LRP5: variants seen among roughly 807,000 people sequenced by gnomAD.
LRP5 encodes LDL receptor related protein 5.
Under a neutral mutation model 154.1 loss-of-function variants are expected in LRP5, and 62 were observed. The ratio of observed to expected loss-of-function variants is 0.40; its 90% CI spans 0.33 to 0.50. The LOEUF is 0.50. Ranked by LOEUF, LRP5 falls within the 20% of genes least tolerant of loss-of-function variation. The pLI, the probability that LRP5 is intolerant of heterozygous loss-of-function variation, is 0.55. For missense variants in LRP5, 1,915 were observed against 2,336.7 expected (o/e 0.82, Z 3.72); for synonymous variants, 966 against 1,011.5 (o/e 0.96, Z 0.85).
At chr11:68,299,404 G>A in the LRP5 span, among the ~76,000 whole-genome samples, 9 of 152,234 alleles carry the variant, frequency 5.9e-5, no homozygotes, top group Admixed American at 2.6e-4. Context: ...CAGATGCAGC[G>A]GGGAATGGCC....
chr11:68,299,831 C>A, the LRP5 span, among the ~76,000 whole-genome samples: 1 of 149,254 alleles, frequency 6.7e-6, no homozygotes, highest in Non-Finnish European at 1.5e-5. Flanking sequence ...GATCCGCCCG[C>A]CTCAGCCTCC....
chr11:68,405,678 T>C (rs1190198163), intron 8 of LRP5, among the ~76,000 whole-genome samples: 1 of 152,246 alleles, frequency 6.6e-6, no homozygotes, highest in Non-Finnish European at 1.5e-5. Context: ...AAGGATTCTT[T>C]TTTTGGCTGA....
intron 5 of LRP5, among the ~76,000 whole-genome samples, chr11:68,369,541 A>AGT (rs1289660093): frequency 6.6e-6 from 1 of 152,050 alleles, no homozygotes; most frequent in East Asian, 1.9e-4. Flanking sequence ...TTGCCCTAAC[A>AGT]GTGGAAGGAT....
intron 3 of LRP5, among the ~76,000 whole-genome samples, chr11:68,359,381 G>A (rs529909855): frequency 2.2e-4 from 34 of 152,282 alleles, no homozygotes; most frequent in East Asian, 9.6e-4. Context: ...GCAGACCAGC[G>A]GGTCTGGTTT....
intron 2 of LRP5, among the ~76,000 whole-genome samples, chr11:68,351,604 C>A (rs1251459808): frequency 6.6e-6 from 1 of 152,188 alleles, no homozygotes; most frequent in Non-Finnish European, 1.5e-5. Context: ...TCCCTCCCAG[C>A]GTGGGTCGCT....
chr11:68,346,666 G>T (rs887592604), intron 1 of LRP5, among the ~76,000 whole-genome samples: 2 of 152,218 alleles, frequency 1.3e-5, no homozygotes, highest in African/African-American at 4.8e-5. Flanking sequence ...GGACCCAGGG[G>T]TCTGCAGTTT....
In LRP5 at chr11:68,348,058, C is replaced by T. The variant is rs372860842; in HGVS notation, c.303C>T (p.Asn101=). Residue 101 remains asparagine (N), a synonymous_variant, in exon 2 of 23, where the codon AAC becomes AAT. Coordinates refer to ENST00000294304, the MANE Select transcript of LRP5 (RefSeq NM_002335.4). ...YLNQTGAAVQ[N]VVISGLVSPD... ...ACCAGACGGGGGCCGCCGTGCAGAA[C>T]GTGGTCATCTCCGGCCTGGTCTCTC... The T allele has an allele frequency of 1.1e-4, 176 of 1,613,964 alleles. No individual in the cohort carries two copies. The highest frequency in any genetic ancestry group is 6.6e-4 in the Middle Eastern group (4 of 6,084).
the LRP5 span, among the ~76,000 whole-genome samples, chr11:68,304,526 C>T: frequency 1.6e-3 from 238 of 152,324 alleles, 6 homozygotes; most frequent in East Asian, 0.042. Flanking sequence ...AGTGGAGCTG[C>T]GGGACGGGGC....
intron 3 of LRP5, among the ~76,000 whole-genome samples, chr11:68,360,920 C>T (rs1175285985): frequency 6.8e-6 from 1 of 146,606 alleles, no homozygotes; most frequent in Non-Finnish European, 1.5e-5. Context: ...TGGCGTGAAC[C>T]TGGGAGGCGG....
At chr11:68,321,178 T>G (rs1160977115) in intron 1 of LRP5, among the ~76,000 whole-genome samples, 2 of 151,826 alleles carry the variant, frequency 1.3e-5, no homozygotes, top group Non-Finnish European at 2.9e-5. Flanking sequence ...AATGCTGCTC[T>G]TTTATGTGTA....
intron 5 of LRP5, among the ~76,000 whole-genome samples, chr11:68,375,517 C>G (rs1194315515): frequency 6.6e-6 from 1 of 152,216 alleles, no homozygotes; most frequent in Non-Finnish European, 1.5e-5. Context: ...CAGCGCCCCT[C>G]CATCCAGACC....
chr11:68,439,920 AG>A lies in LRP5; in HGVS notation c.4488+8del. On this transcript the variant is annotated splice_donor_5th_base_variant and intron_variant, in intron 21 of 22. Coordinates refer to ENST00000294304, the MANE Select transcript of LRP5 (RefSeq NM_002335.4). ...GAAGGCCACGCTGTACCCGCCGGTG[AG>A]GGGCGGGGCCGGGGAGGGGCGGGGC... 1.2e-6 allele frequency: 1 copy of A among 823,258 alleles called. No individual in the cohort carries two copies. 51.0% of individuals were successfully genotyped at this position (823,258 alleles called of 1,614,324 possible). A position where few individuals can be genotyped will look rare whatever the true frequency, so the allele number is the denominator to read the frequency against.
chr11:68,376,114 T>C (rs1348875067), intron 5 of LRP5, among the ~76,000 whole-genome samples: 1 of 151,224 alleles, frequency 6.6e-6, no homozygotes, highest in Non-Finnish European at 1.5e-5. Context: ...CTGAGCCCTA[T>C]ACCCAGGCAC....
intron 18 of LRP5, among the ~76,000 whole-genome samples, chr11:68,436,558 C>A (rs1175500099): frequency 6.6e-6 from 1 of 152,174 alleles, no homozygotes; most frequent in Non-Finnish European, 1.5e-5. Context: ...CACCCACCCC[C>A]CCACCAACCT....
In LRP5 at chr11:68,413,330, G is replaced by A. The variant is rs115628182; in HGVS notation, c.2504-359G>A. The A allele has an allele frequency of 3.7e-4, 157 of 418,918 alleles. No individual in the cohort carries two copies. Among genetic ancestry groups the A allele is most frequent in the African/African-American group, 8.9e-4 (45 of 50,528 alleles). 26.0% of individuals were successfully genotyped at this position (418,918 alleles called of 1,614,324 possible). Reference sequence around the variant, plus strand: ...TACGTGTTTTGGACTTAAACGCTCCGGATGTTTACTGAGTGCTTGATTAAT... The same window carrying A: ...TACGTGTTTTGGACTTAAACGCTCCAGATGTTTACTGAGTGCTTGATTAAT... On this transcript the variant is annotated intron_variant, in intron 11 of 22. Coordinates refer to ENST00000294304, the MANE Select transcript of LRP5 (RefSeq NM_002335.4). The surrounding 1 kb of genome is among the most constrained non-coding windows in gnomAD (Gnocchi z 5.1).
intron 5 of LRP5, among the ~76,000 whole-genome samples, chr11:68,383,173 C>T (rs368044583): frequency 5.9e-5 from 9 of 152,140 alleles, no homozygotes; most frequent in African/African-American, 1.4e-4. Flanking sequence ...CCACCGCGCC[C>T]GGCCTACTTT....
At chr11:68,338,529 C>T (rs566850727) in intron 1 of LRP5, among the ~76,000 whole-genome samples, 143 of 152,326 alleles carry the variant, frequency 9.4e-4, no homozygotes, top group Non-Finnish European at 1.8e-3. Flanking sequence ...CTTTCTCTGA[C>T]ACTGACTTGC....
Position 68,448,983 on chromosome 11 carries a change from G to T in LRP5, c.4761G>T (p.Glu1587Asp). The change falls in exon 23 of 23, where the codon GAG becomes GAT. Residue 1587 changes from glutamate to aspartate, a missense_variant. Transcript: ENST00000294304. ...PTPHSQYLSA[E>D]DSCPPSPATE... is the part of the protein sequence containing the mutation. The stretch of plus-strand genomic sequence containing the variant: ...CCCACAGCCAGTACCTGTCGGCGGA[G>T]GACAGCTGCCCGCCCTCGCCCGCCA... 6.2e-7 allele frequency: 1 copy of T among 1,609,906 alleles called. No individual in the cohort carries two copies. Among genetic ancestry groups the T allele is most frequent in the South Asian group, 1.1e-5 (1 of 91,026 alleles).
chr11:68,313,541 A>C (rs185285924), intron 1 of LRP5, among the ~76,000 whole-genome samples: 1 of 152,246 alleles, frequency 6.6e-6, no homozygotes, highest in African/African-American at 2.4e-5. Context: ...CTTTCTCTCC[A>C]ACTTTTGGTG....
Sources: allele counts gnomAD v4.1 joint callset (sites outside exome capture counted in the v4.1 genomes callset), GRCh38; gene constraint gnomAD v4.1.1; non-coding constraint Gnocchi (gnomAD v3.1); transcripts MANE v1.5; gene names NCBI Gene and HGNC (gene_info 2026-07-23, HGNC 2026-07-21).